ADGRV1: variants seen among roughly 807,000 people sequenced by gnomAD.
ADGRV1 encodes adhesion G protein-coupled receptor V1.
Under a neutral mutation model 596.2 loss-of-function variants are expected in ADGRV1, and 359 were observed. The ratio of observed to expected loss-of-function variants is 0.60; its 90% CI spans 0.55 to 0.66. ADGRV1 has a LOEUF of 0.66. ADGRV1 is among the 30% of genes least tolerant of loss of function. The probability of loss-of-function intolerance (pLI) is 0.00; values close to 1 mark genes in which losing one functional copy is unlikely to be tolerated. For synonymous variants in ADGRV1, 2,681 were observed against 2,679.2 expected, an observed-to-expected ratio of 1.00 and a Z score of -0.02; for missense variants, 7,274 against 7,575.6, an observed-to-expected ratio of 0.96 and a Z score of 1.48.
chr5:90,688,708 G>C (rs1269552135), intron 29 of ADGRV1, among the ~76,000 whole-genome samples: 1 of 152,170 alleles, frequency 6.6e-6, no homozygotes, highest in Non-Finnish European at 1.5e-5. Flanking sequence ...TGAAAGCTAT[G>C]ATGACCAAAA....
chr5:91,022,203 G>A (rs112987537), intron 85 of ADGRV1, among the ~76,000 whole-genome samples: 1,789 of 152,050 alleles, frequency 0.012, 34 homozygotes, highest in African/African-American at 0.041. Flanking sequence ...TTTATCTGCC[G>A]GATTCGATTG....
intron 72 of ADGRV1, among the ~76,000 whole-genome samples, chr5:90,807,183 A>G (rs964310904): frequency 6.6e-6 from 1 of 152,146 alleles, no homozygotes; most frequent in African/African-American, 2.4e-5. Context: ...ACAGTCTGCT[A>G]TATTTGTGAC....
intron 11 of ADGRV1, 132 bp from the exon 12 acceptor site, chr5:90,642,504 A>G: frequency 4.6e-6 from 4 of 877,886 alleles, no homozygotes; most frequent in Non-Finnish European, 6.9e-6. Flanking sequence ...ACGTGAATTC[A>G]CTTAAGGTCT....
Position 90,882,700 on chromosome 5 carries a change from T to G in ADGRV1, c.17856+18843T>G, listed in dbSNP as rs572969175. Among the ~76,000 whole-genome samples the G allele has an allele frequency of 3.0e-3, 451 of 152,334 alleles. 3 individuals carry two copies. The highest frequency in any genetic ancestry group is 8.0e-3 in the Admixed American group (123 of 15,296). On this transcript the variant is annotated intron_variant, in intron 83 of 89. Coordinates refer to ENST00000405460, the MANE Select transcript of ADGRV1 (RefSeq NM_032119.4). ...TTCAAATCTAGAAAATAAATACCTT[T>G]TCTTTTTCTAAAGGAACTAGGGCAT...
intron 1 of ADGRV1, among the ~76,000 whole-genome samples, chr5:90,577,015 T>C (rs1032553261): frequency 2.6e-5 from 4 of 152,250 alleles, no homozygotes; most frequent in Non-Finnish European, 5.9e-5. Flanking sequence ...TTCTGGATAT[T>C]AGCCATTTGT....
chr5:91,075,907 A>G (rs1581980035), intron 86 of ADGRV1, among the ~76,000 whole-genome samples: 1 of 152,166 alleles, frequency 6.6e-6, no homozygotes, highest in Non-Finnish European at 1.5e-5. Flanking sequence ...GCATTCTGAC[A>G]TGCCAATCTA....
chr5:91,069,855 C>T (rs1788215283), intron 85 of ADGRV1, among the ~76,000 whole-genome samples: 2 of 151,622 alleles, frequency 1.3e-5, no homozygotes, highest in South Asian at 4.2e-4. Flanking sequence ...ATGAAATCAA[C>T]CCAGGTGCCC....
At chr5:90,904,240 T>C (rs1447960781) in intron 83 of ADGRV1, among the ~76,000 whole-genome samples, 1 of 152,134 alleles carries the variant, frequency 6.6e-6, no homozygotes, top group African/African-American at 2.4e-5. Context: ...CAGATATCTC[T>C]TCAGTATCCT....
intron 86 of ADGRV1, among the ~76,000 whole-genome samples, chr5:91,082,826 T>C (rs935897166): frequency 7.2e-5 from 11 of 152,308 alleles, no homozygotes; most frequent in Admixed American, 2.6e-4. Flanking sequence ...TGTATTTCCA[T>C]TCTTGGTTTG....
In ADGRV1 at chr5:90,781,095, A is replaced by G. The variant is rs1042033031; in HGVS notation, c.13083-335A>G. 1.9e-4 allele frequency: 67 copies of G among 352,790 alleles called. 2 individuals carry two copies. Among genetic ancestry groups the G allele is most frequent in the Admixed American group, 1.7e-4 (4 of 24,124 alleles). 21.9% of individuals were successfully genotyped at this position (352,790 alleles called of 1,614,324 possible). A position where few individuals can be genotyped will look rare whatever the true frequency, so the allele number is the denominator to read the frequency against. ...GCACTAGGTCTATTACTGTATATGTATGTATTCAGCCGTGATTCCCAAAGG... is the reference window on the plus strand; with the variant it reads ...GCACTAGGTCTATTACTGTATATGTGTGTATTCAGCCGTGATTCCCAAAGG... On this transcript the variant is annotated intron_variant, in intron 64 of 89. Transcript: ENST00000405460.
At chr5:91,114,026 G>A (rs1337338893) in intron 87 of ADGRV1, among the ~76,000 whole-genome samples, 1 of 151,960 alleles carries the variant, frequency 6.6e-6, no homozygotes, top group African/African-American at 2.4e-5. Context: ...AGACCAGCCT[G>A]GCCGACATAG....
intron 89 of ADGRV1, among the ~76,000 whole-genome samples, chr5:91,155,086 G>A (rs932863932): frequency 6.6e-6 from 1 of 152,146 alleles, no homozygotes; most frequent in Non-Finnish European, 1.5e-5. Flanking sequence ...GCTAGATATT[G>A]CTGAATCCTG....
chr5:91,105,056 A>G (rs904401706), intron 87 of ADGRV1, among the ~76,000 whole-genome samples: 1 of 151,044 alleles, frequency 6.6e-6, no homozygotes, highest in African/African-American at 2.5e-5. Flanking sequence ...TTTTGTAGAG[A>G]CAGGGTTTCG....
At chr5:90,899,594 A>G (rs1264141330) in intron 83 of ADGRV1, among the ~76,000 whole-genome samples, 2 of 152,120 alleles carry the variant, frequency 1.3e-5, no homozygotes, top group Non-Finnish European at 2.9e-5. Context: ...TGACCTCAGT[A>G]CTTGTCTTAT....
chr5:90,636,535 C>G (rs1183706007), intron 10 of ADGRV1, among the ~76,000 whole-genome samples: 2 of 152,084 alleles, frequency 1.3e-5, no homozygotes, highest in Non-Finnish European at 2.9e-5. Flanking sequence ...TGTAAATTTA[C>G]CGTTTCATAT....
intron 85 of ADGRV1, chr5:91,031,119 G>T: frequency 7.3e-7 from 1 of 1,367,868 alleles, no homozygotes; most frequent in Non-Finnish European, 1.0e-6. Flanking sequence ...TTGTACACAA[G>T]TAAAAGAACA....
intron 87 of ADGRV1, among the ~76,000 whole-genome samples, chr5:91,116,502 T>C (rs1792862415): frequency 6.6e-6 from 1 of 152,216 alleles, no homozygotes; most frequent in Non-Finnish European, 1.5e-5. Context: ...ATGTGTTTCA[T>C]GTAAGATTAC....
intron 83 of ADGRV1, among the ~76,000 whole-genome samples, chr5:90,867,050 T>C (rs1252568321): frequency 6.6e-6 from 1 of 152,126 alleles, no homozygotes; most frequent in African/African-American, 2.4e-5. Context: ...GGGATTTTTA[T>C]CTTTGAATCA....
At chr5:90,983,395 G>A (rs1391972208) in intron 84 of ADGRV1, among the ~76,000 whole-genome samples, 1 of 152,036 alleles carries the variant, frequency 6.6e-6, no homozygotes, top group Non-Finnish European at 1.5e-5. Context: ...TCTTTATCAT[G>A]GTGAATCAGC....
Sources: gnomAD v4.1 joint callset for allele counts (sites outside exome capture counted in the v4.1 genomes callset) on GRCh38, gnomAD v4.1.1 for gene constraint, MANE v1.5 for transcripts, NCBI Gene and HGNC (gene_info 2026-07-23, HGNC 2026-07-21) for gene names.